RANBP2: variants seen among roughly 807,000 people sequenced by gnomAD.
RANBP2 encodes E3 SUMO-protein ligase RanBP2.
RANBP2 carries 57 observed loss-of-function variants against 303.6 expected under a neutral mutation model. The observed-to-expected ratio is 0.19, with a 90% CI of 0.15 to 0.23. RANBP2 has a LOEUF of 0.23. Among genes scored for constraint, RANBP2 ranks in the 10% least tolerant of loss-of-function variants. The probability of loss-of-function intolerance (pLI) is 1.00; values close to 1 mark genes in which losing one functional copy is unlikely to be tolerated. For synonymous variants in RANBP2, 1,167 were observed against 1,301.5 expected, an observed-to-expected ratio of 0.90 and a Z score of 2.23; for missense variants, 3,138 against 3,780.8, an observed-to-expected ratio of 0.83 and a Z score of 4.46.
chr2:109,799,307 A>G, the RANBP2 span, among the ~76,000 whole-genome samples: 1 of 97,348 alleles, frequency 1.0e-5, no homozygotes, highest in Non-Finnish European at 1.9e-5. Flanking sequence ...ACTGTTGTGT[A>G]TTATTTTTGT....
chr2:109,622,491 G>C, the RANBP2 span, among the ~76,000 whole-genome samples: 1 of 152,210 alleles, frequency 6.6e-6, no homozygotes, highest in East Asian at 1.9e-4. Flanking sequence ...ACACTCTGTT[G>C]TTACTTCACA....
Position 108,777,810 on chromosome 2 carries a change from CT to C in RANBP2, c.8599+582del, listed in dbSNP as rs549723726. Among the ~76,000 whole-genome samples the C allele has an allele frequency of 6.0e-3, 911 of 152,120 alleles. 4 individuals are homozygous for C. The highest frequency in any genetic ancestry group is 9.8e-3 in the Non-Finnish European group (669 of 67,944). On this transcript the variant is annotated intron_variant, in intron 25 of 28. Coordinates refer to ENST00000283195, the MANE Select transcript of RANBP2 (RefSeq NM_006267.5). ...TTATATTTTTTCATTCTTGTAATAT[CT>C]TTCACATTGCTCTTTATAGCACCCC...
At chr2:109,550,311 CTTT>C in the RANBP2 span, among the ~76,000 whole-genome samples, 2 of 143,362 alleles carry the variant, frequency 1.4e-5, no homozygotes, top group Non-Finnish European at 3.1e-5. Flanking sequence ...AAAAAAGTAT[CTTT>C]TTTTTTTTTG....
chr2:108,923,268 C>T, the RANBP2 span: 391 of 1,175,770 alleles, frequency 3.3e-4, no homozygotes, highest in Admixed American at 7.5e-4. Context: ...TGTGATTCAC[C>T]TTGTCCAGGT....
At chr2:108,723,476 C>T (rs1167096795) in intron 1 of RANBP2, among the ~76,000 whole-genome samples, 1 of 151,922 alleles carries the variant, frequency 6.6e-6, no homozygotes, top group African/African-American at 2.4e-5. Context: ...GGGGTTTCAC[C>T]GTGTTAGCCA....
chr2:108,917,515 T>G, the RANBP2 span, among the ~76,000 whole-genome samples: 1 of 152,238 alleles, frequency 6.6e-6, no homozygotes, highest in African/African-American at 2.4e-5. Flanking sequence ...AATTTCACTC[T>G]GTACCCCATA....
the RANBP2 span, among the ~76,000 whole-genome samples, chr2:109,701,668 C>T: frequency 3.3e-5 from 5 of 152,064 alleles, no homozygotes; most frequent in Non-Finnish European, 5.9e-5. Context: ...GAGTTCTGTC[C>T]GCTCTTTGTC....
At chr2:109,717,647 C>A in the RANBP2 span, among the ~76,000 whole-genome samples, 1 of 151,790 alleles carries the variant, frequency 6.6e-6, no homozygotes, top group African/African-American at 2.4e-5. Flanking sequence ...GGCACAGTGG[C>A]TCACACCTGT....
intron 8 of RANBP2, among the ~76,000 whole-genome samples, chr2:108,748,571 C>T (rs570808741): frequency 1.1e-4 from 17 of 152,206 alleles, no homozygotes; most frequent in Non-Finnish European, 1.9e-4. Flanking sequence ...CAGCCAGGTT[C>T]AGAAATCAGT....
the RANBP2 span, among the ~76,000 whole-genome samples, chr2:109,107,166 T>C: frequency 6.6e-6 from 1 of 151,700 alleles, no homozygotes. Context: ...GGACTTGAAC[T>C]CCTGACCTCA....
the RANBP2 span, among the ~76,000 whole-genome samples, chr2:109,691,798 T>TA: frequency 6.6e-6 from 1 of 151,846 alleles, no homozygotes; most frequent in Non-Finnish European, 1.5e-5. Flanking sequence ...TGGTTTTTTT[T>TA]TTGAGGCAGA....
chr2:109,094,688 G>A, the RANBP2 span, among the ~76,000 whole-genome samples: 1 of 152,086 alleles, frequency 6.6e-6, no homozygotes, highest in South Asian at 2.1e-4. Flanking sequence ...AAATTAGCTA[G>A]GCATAGTGGT....
chr2:109,406,329 T>G, the RANBP2 span, among the ~76,000 whole-genome samples: 462 of 152,224 alleles, frequency 3.0e-3, 4 homozygotes, highest in African/African-American at 0.01. Flanking sequence ...TTAGAAAAAT[T>G]TCCTCATAAA....
chr2:108,748,956 A>G lies in RANBP2; in HGVS notation c.1100A>G (p.Asp367Gly). The stretch of plus-strand genomic sequence containing the variant: ...CTAAACTTAAGTCGTGGCAAGCAAG[A>G]TTTTTTAAAAGAGATTGTTGAAACT... ...MLLNLSRGKQ[D>G]FLKEIVETFA... Residue 367 changes from aspartate to glycine, a missense_variant, in exon 9 of 29, where the codon GAT (aspartate) becomes GGT (glycine). Around this residue, in one of 20 missense-constraint regions of RANBP2, gnomAD observed 95 missense variants for 86.4 expected, o/e 1.10. Coordinates refer to ENST00000283195, the MANE Select transcript of RANBP2 (RefSeq NM_006267.5). The G allele has an allele frequency of 6.2e-7, 1 of 1,611,980 alleles. No homozygotes were observed.
chr2:109,590,160 A>G, the RANBP2 span, among the ~76,000 whole-genome samples: 2 of 151,862 alleles, frequency 1.3e-5, no homozygotes, highest in African/African-American at 4.8e-5. Context: ...GTAATGACAG[A>G]CTATTGAGAG....
chr2:109,498,922 C>T, the RANBP2 span, among the ~76,000 whole-genome samples: 1 of 152,184 alleles, frequency 6.6e-6, no homozygotes, highest in Non-Finnish European at 1.5e-5. Context: ...GTGGGTGCAC[C>T]TGGGGTCGCT....
At chr2:109,196,216 G>A in the RANBP2 span, among the ~76,000 whole-genome samples, 1 of 152,170 alleles carries the variant, frequency 6.6e-6, no homozygotes. Context: ...AGGCCATGTC[G>A]GGGTGTTTGG....
At chr2:108,926,643 C>T in the RANBP2 span, among the ~76,000 whole-genome samples, 2 of 152,228 alleles carry the variant, frequency 1.3e-5, no homozygotes, top group African/African-American at 4.8e-5. Context: ...TCCCCCTTTC[C>T]TCCTGTTTTG....
the RANBP2 span, among the ~76,000 whole-genome samples, chr2:109,553,875 C>G: frequency 6.6e-6 from 1 of 150,694 alleles, no homozygotes; most frequent in African/African-American, 2.4e-5. Context: ...AAAAGTGATA[C>G]AATAAACTTT....
Sources: gnomAD v4.1 joint callset for allele counts (sites outside exome capture counted in the v4.1 genomes callset) on GRCh38, gnomAD v4.1.1 for gene constraint, gnomAD v4.1.1 regional missense constraint, MANE v1.5 for transcripts, NCBI Gene and HGNC (gene_info 2026-07-23, HGNC 2026-07-21) for gene names.